GPR89B: variants seen among roughly 807,000 people sequenced by gnomAD.
GPR89B encodes the protein golgi pH regulator B.
Under a neutral mutation model 52.4 loss-of-function variants are expected in GPR89B, and 25 were observed. The observed-to-expected ratio is 0.48, with a 90% CI of 0.35 to 0.67. GPR89B has a LOEUF of 0.67. Among genes scored for constraint, GPR89B ranks in the 30% least tolerant of loss-of-function variants. The pLI is 0.01. For synonymous variants in GPR89B, 52 were observed against 151.2 expected, an observed-to-expected ratio of 0.34 and a Z score of 4.81; for missense variants, 146 against 450.2, an observed-to-expected ratio of 0.32 and a Z score of 6.11.
chr1:147,949,950 C>T (rs1212016613), intron 5 of GPR89B, among the ~76,000 whole-genome samples: 7 of 137,210 alleles, frequency 5.1e-5, no homozygotes, highest in African/African-American at 1.7e-4. Context: ...CCCTCCCGGA[C>T]GGTGCGGCTG....
intron 1 of GPR89B, among the ~76,000 whole-genome samples, chr1:147,936,088 GCT>G (rs1553247832): frequency 1.3e-5 from 2 of 152,186 alleles, no homozygotes; most frequent in Admixed American, 1.3e-4. Context: ...CACGATATTG[GCT>G]CTCTGCAACC....
chr1:148,016,996 TCTTGCTTGCTTGCTTG>T, the GPR89B span, among the ~76,000 whole-genome samples: 15 of 151,176 alleles, frequency 9.9e-5, no homozygotes, highest in African/African-American at 3.2e-4. Context: ...TTTGGTTTTG[TCTTGCTTGCTTGCTTG>T]CTTGCTTGCT....
At chr1:147,929,378 G>T (rs1195247429) in intron 1 of GPR89B, among the ~76,000 whole-genome samples, 2 of 151,768 alleles carry the variant, frequency 1.3e-5, no homozygotes, top group East Asian at 3.9e-4. Flanking sequence ...CATAGCACTG[G>T]CATCATTTAT....
intron 1 of GPR89B, among the ~76,000 whole-genome samples, chr1:147,929,407 G>GT (rs1308685937): frequency 6.6e-6 from 1 of 152,016 alleles, no homozygotes; most frequent in Non-Finnish European, 1.5e-5. Flanking sequence ...TTCTGATTTT[G>GT]TTTTTTGAGA....
At chr1:148,000,966 T>G in the GPR89B span, among the ~76,000 whole-genome samples, 1 of 108,648 alleles carries the variant, frequency 9.2e-6, no homozygotes, top group Admixed American at 1.0e-4. Context: ...TTATGTGCAG[T>G]TGATAGCACT....
the GPR89B span, chr1:148,009,291 C>T: frequency 2.8e-4 from 408 of 1,462,610 alleles, 2 homozygotes; most frequent in African/African-American, 5.5e-3. Context: ...TTCTGGAAGC[C>T]TGTTGTCTGT....
chr1:147,990,218 T>C (rs1163670826), intron 12 of GPR89B, among the ~76,000 whole-genome samples: 2 of 152,278 alleles, frequency 1.3e-5, no homozygotes, highest in African/African-American at 4.8e-5. Flanking sequence ...TGGCCAGTGA[T>C]GATCAGCATT....
intron 10 of GPR89B, among the ~76,000 whole-genome samples, chr1:147,983,622 A>G (rs1172524960): frequency 6.6e-6 from 1 of 152,088 alleles, no homozygotes; most frequent in Non-Finnish European, 1.5e-5. Context: ...CAAAACCACA[A>G]TGACATACCA....
intron 10 of GPR89B, among the ~76,000 whole-genome samples, chr1:147,985,436 CA>C (rs1658595303): frequency 6.6e-6 from 1 of 151,912 alleles, no homozygotes; most frequent in Non-Finnish European, 1.5e-5. Context: ...ATTTCATTGA[CA>C]TGTTTAGACC....
the GPR89B span, among the ~76,000 whole-genome samples, chr1:148,004,400 C>T: frequency 2.7e-5 from 4 of 149,906 alleles, no homozygotes; most frequent in Admixed American, 6.6e-5. Context: ...CTCCTGACCT[C>T]GTGATCCACC....
intron 10 of GPR89B, among the ~76,000 whole-genome samples, chr1:147,982,235 T>C (rs1231192164): frequency 6.6e-6 from 1 of 151,596 alleles, no homozygotes; most frequent in African/African-American, 2.4e-5. Flanking sequence ...AACTTTTTTG[T>C]ATTTTTAGTA....
downstream of GPR89B, among the ~76,000 whole-genome samples, chr1:147,997,225 T>G (rs1458093945): frequency 6.6e-6 from 1 of 152,012 alleles, no homozygotes; most frequent in Non-Finnish European, 1.5e-5. Context: ...ACAAGACACT[T>G]GTGATAGTTA....
chr1:147,972,107 C>T (rs1180445427), intron 10 of GPR89B, among the ~76,000 whole-genome samples: 3 of 150,968 alleles, frequency 2.0e-5, no homozygotes, highest in African/African-American at 4.9e-5. Context: ...TTATTTTACT[C>T]GGCATGATTA....
chr1:147,962,832 G>T (rs1656702793), intron 7 of GPR89B, among the ~76,000 whole-genome samples: 2 of 151,196 alleles, frequency 1.3e-5, no homozygotes, highest in Admixed American at 1.3e-4. Context: ...AGGAGGTGGA[G>T]GTTGCAGTGA....
chr1:147,961,646 T>C (rs1357413330), intron 7 of GPR89B, among the ~76,000 whole-genome samples: 3,207 of 152,110 alleles, frequency 0.021, 109 homozygotes, highest in African/African-American at 0.074. Flanking sequence ...ATCTTGAAAA[T>C]CCAATTTTTT....
chr1:147,954,612 G>T (rs1339278973), intron 7 of GPR89B, among the ~76,000 whole-genome samples: 4 of 152,024 alleles, frequency 2.6e-5, no homozygotes, highest in Non-Finnish European at 5.9e-5. Flanking sequence ...GAGCCCAGAA[G>T]TTCGAGACTA....
chr1:147,979,389 C>T (rs1658071376), intron 10 of GPR89B, among the ~76,000 whole-genome samples: 2 of 152,030 alleles, frequency 1.3e-5, no homozygotes, highest in Non-Finnish European at 2.9e-5. Context: ...TGCTCCTTCT[C>T]CAGCCTTATT....
chr1:147,931,231 C>G (rs1477980100), intron 1 of GPR89B, among the ~76,000 whole-genome samples: 1 of 151,380 alleles, frequency 6.6e-6, no homozygotes, highest in East Asian at 1.9e-4. Context: ...TAATAACTGT[C>G]CTGCTGATGG....
In GPR89B at chr1:147,986,301, G is replaced by C. The variant is rs1441715185; in HGVS notation, c.1005+7G>C. On this transcript the variant is annotated splice_region_variant and intron_variant, in intron 11 of 13. Transcript: ENST00000314163. ...TCTGGGAATCCAATTTGATGTAAGT[G>C]TTATATCAAGATCCTGGTTTGTCAT... 1 of 1,610,578 alleles carries C rather than the reference G, an allele frequency of 6.2e-7. No homozygotes were observed.
Sources: allele counts gnomAD v4.1 joint callset (sites outside exome capture counted in the v4.1 genomes callset), GRCh38; gene constraint gnomAD v4.1.1; transcripts MANE v1.5; gene names NCBI Gene and HGNC (gene_info 2026-07-23, HGNC 2026-07-21).